Variants in ZNF536 observed in about 807,000 individuals in gnomAD.
ZNF536 encodes the protein zinc finger protein 536.
Under a neutral mutation model 84.5 loss-of-function variants are expected in ZNF536, and 13 were observed. The ratio of observed to expected loss-of-function variants is 0.15; its 90% CI spans 0.10 to 0.24. The LOEUF is 0.24. ZNF536 is among the 10% of genes least tolerant of loss of function. ZNF536 has a pLI of 1.00. For missense variants in ZNF536, 1,536 were observed against 1,747.5 expected (o/e 0.88, Z 2.16); for synonymous variants, 811 against 742.5 (o/e 1.09, Z -1.50).
chr19:30,254,403 G>A (rs930587147), intron 1 of ZNF536, among the ~76,000 whole-genome samples: 5 of 152,120 alleles, frequency 3.3e-5, no homozygotes, highest in African/African-American at 9.7e-5. Context: ...GAGAGAAACT[G>A]TCAGATATAC....
intron 2 of ZNF536, among the ~76,000 whole-genome samples, chr19:30,451,785 C>A (rs545448852): frequency 6.6e-6 from 1 of 152,352 alleles, no homozygotes; most frequent in East Asian, 1.9e-4. Flanking sequence ...GTTTCCAACA[C>A]TCCTGCCCAC....
chr19:30,533,140 G>T (rs531381173), intron 2 of ZNF536, among the ~76,000 whole-genome samples: 1 of 152,336 alleles, frequency 6.6e-6, no homozygotes, highest in South Asian at 2.1e-4. Flanking sequence ...CCAGGGTGAT[G>T]ATATGGTCGT....
intron 2 of ZNF536, among the ~76,000 whole-genome samples, chr19:30,286,682 G>A (rs1213127345): frequency 6.6e-6 from 1 of 152,108 alleles, no homozygotes; most frequent in Non-Finnish European, 1.5e-5. Flanking sequence ...CTCGAAATAT[G>A]CAATCAACTG....
chr19:30,407,245 T>A (rs1377059290), intron 1 of ZNF536, among the ~76,000 whole-genome samples: 3 of 152,230 alleles, frequency 2.0e-5, no homozygotes, highest in Non-Finnish European at 4.4e-5. Context: ...TTTTTGTTTA[T>A]ATTGACGTTT....
rs199649865 is a variant in ZNF536, at chr19:30,535,019, C to A, written c.2323+20C>A. 6.2e-7 allele frequency: 1 copy of A among 1,601,140 alleles called. No individual in the cohort carries two copies. Among genetic ancestry groups the A allele is most frequent in the Middle Eastern group, 1.7e-4 (1 of 6,020 alleles). On this transcript the variant is annotated intron_variant, in intron 3 of 4. Transcript: ENST00000355537. ...ACACAGGTGAGAAGTCTGAGTGCAT[C>A]CAGGGGCACAGCCCAGAGAAGGAGG...
intron 3 of ZNF536, among the ~76,000 whole-genome samples, chr19:30,546,680 A>AT (rs1369030588): frequency 1.3e-5 from 2 of 152,202 alleles, no homozygotes; most frequent in African/African-American, 4.8e-5. Context: ...AGATCAGTCT[A>AT]TTTTACAATA....
intron 1 of ZNF536, among the ~76,000 whole-genome samples, chr19:30,691,298 C>A (rs569017859): frequency 6.6e-6 from 1 of 152,158 alleles, no homozygotes; most frequent in African/African-American, 2.4e-5. Flanking sequence ...TGCATCAGGG[C>A]GGTCGTCTCC....
At chr19:30,496,375 C>T (rs1177043518) in intron 2 of ZNF536, among the ~76,000 whole-genome samples, 1 of 152,188 alleles carries the variant, frequency 6.6e-6, no homozygotes, top group Non-Finnish European at 1.5e-5. Context: ...ATTGTCACTT[C>T]TGGGGATGCC....
rs2148239452 is a variant in ZNF536, at chr19:30,445,785, G to A, written c.2170+53G>A. ...CAGCTTGTACAGCAGCCCTGCTCAGGGCTGCCTGGTTCTGCTCCCAGGCCT... is the reference window on the plus strand; with the variant it reads ...CAGCTTGTACAGCAGCCCTGCTCAGAGCTGCCTGGTTCTGCTCCCAGGCCT... On this transcript the variant is annotated intron_variant, in intron 2 of 4. Coordinates refer to ENST00000355537, the MANE Select transcript of ZNF536 (RefSeq NM_014717.3). This position sits in a 1 kb window ranked among gnomAD's most constrained non-coding sequence, Gnocchi z 4.5. 4 of 1,512,738 alleles carry A rather than the reference G, an allele frequency of 2.6e-6. No individual in the cohort carries two copies. In the East Asian group the frequency reaches 9.1e-5, roughly 34 times the overall value. The allele number at this position is 1,512,738 out of a possible 1,614,324, so 93.7% of individuals were successfully genotyped here.
At chr19:30,637,806 A>G (rs1213939160) in intron 1 of ZNF536, among the ~76,000 whole-genome samples, 2 of 152,172 alleles carry the variant, frequency 1.3e-5, no homozygotes, top group East Asian at 3.8e-4. Flanking sequence ...TGATTGAGCT[A>G]GTTGCTTCTC....
At chr19:30,333,533 C>G (rs1331309782) in intron 2 of ZNF536, among the ~76,000 whole-genome samples, 1 of 152,150 alleles carries the variant, frequency 6.6e-6, no homozygotes, top group Non-Finnish European at 1.5e-5. Context: ...CTGCGGCTGT[C>G]TTTGTCTGGG....
intron 2 of ZNF536, among the ~76,000 whole-genome samples, chr19:30,530,242 T>C (rs187011823): frequency 3.2e-3 from 482 of 152,328 alleles, no homozygotes; most frequent in African/African-American, 0.011. Context: ...AAAAGAAAAT[T>C]AAAAAATTAA....
intron 2 of ZNF536, among the ~76,000 whole-genome samples, chr19:30,311,485 G>T (rs1036461309): frequency 6.6e-6 from 1 of 152,214 alleles, no homozygotes; most frequent in Non-Finnish European, 1.5e-5. Context: ...CCCTAGGCAG[G>T]TGCTTAGCCT....
chr19:30,232,424 C>CT (rs2023135738), intron 1 of ZNF536, among the ~76,000 whole-genome samples: 2 of 51,104 alleles, frequency 3.9e-5, no homozygotes, highest in South Asian at 9.1e-4. Context: ...CTCAGCCCTT[C>CT]TGCCCCGCCT....
At chr19:30,607,351 C>A (rs530283551) in intron 1 of ZNF536, among the ~76,000 whole-genome samples, 1 of 151,924 alleles carries the variant, frequency 6.6e-6, no homozygotes, top group Non-Finnish European at 1.5e-5. Context: ...TATTATTATT[C>A]TCATTGTTAA....
rs571801917 is a variant in ZNF536, at chr19:30,311,541, G to A, written c.-120+27400G>A. On this transcript the variant is annotated intron_variant, in intron 2 of 5. Coordinates refer to the ZNF536 transcript ENST00000585628. ...CTCATTTACTCCCCATATGGTCTTC[G>A]TGTATTTCCTTTTGCCATATCCATA... Among the ~76,000 whole-genome samples the A allele has an allele frequency of 3.9e-5, 6 of 152,172 alleles. No individual in the cohort carries two copies. The South Asian group carries it at 1.0e-3, about 26-fold the overall frequency.
intron 1 of ZNF536, among the ~76,000 whole-genome samples, chr19:30,255,115 G>T (rs1332864906): frequency 6.6e-6 from 1 of 152,104 alleles, no homozygotes; most frequent in Non-Finnish European, 1.5e-5. Context: ...GGCATAATTT[G>T]CATTTTTACT....
rs527315609 is a variant in ZNF536, at chr19:30,336,089, T to A, written c.-119-16279T>A. Among the ~76,000 whole-genome samples, 103 of 152,118 alleles carry A rather than the reference T, an allele frequency of 6.8e-4. 1 individual carries two copies. The highest frequency in any genetic ancestry group is 1.4e-3 in the Non-Finnish European group (94 of 68,022). On this transcript the variant is annotated intron_variant, in intron 2 of 5. Transcript: ENST00000585628. ...AGCTACAGGTAAACAAGGGAGGAGGTGACCCCGCCCAGGCTGGTCAGTGCC... is the reference window on the plus strand; with the variant it reads ...AGCTACAGGTAAACAAGGGAGGAGGAGACCCCGCCCAGGCTGGTCAGTGCC...
intron 1 of ZNF536, among the ~76,000 whole-genome samples, chr19:30,642,344 G>T (rs2147348350): frequency 6.6e-6 from 1 of 152,266 alleles, no homozygotes; most frequent in African/African-American, 2.4e-5. Context: ...GGGGTTTGAG[G>T]GTCTTGTTGC....
Sources: allele counts gnomAD v4.1 joint callset (sites outside exome capture counted in the v4.1 genomes callset), GRCh38; gene constraint gnomAD v4.1.1; non-coding constraint Gnocchi (gnomAD v3.1); transcripts MANE v1.5; gene names NCBI Gene and HGNC (gene_info 2026-07-23, HGNC 2026-07-21).